DCC: variants seen among roughly 807,000 people sequenced by gnomAD.
DCC encodes DCC netrin 1 receptor.
A neutral mutation model predicts 172.5 loss-of-function variants in DCC; 58 were observed. The observed-to-expected ratio is 0.34, with a 90% CI of 0.27 to 0.42. DCC has a LOEUF of 0.42. Ranked by LOEUF, DCC falls within the 10% of genes least tolerant of loss-of-function variation. DCC has a pLI of 1.00. For synonymous variants in DCC, 709 were observed against 644.5 expected, an observed-to-expected ratio of 1.10 and a Z score of -1.52; for missense variants, 1,740 against 1,791.0, an observed-to-expected ratio of 0.97 and a Z score of 0.51.
rs117159980 is a variant in DCC, at chr18:53,347,435, A to G, written c.2359+7528A>G. Reference sequence around the variant, plus strand: ...AGCCAAAAAGAGCTTACACCATCAGAGAATAATTGGAAACTCACAGTCCCA... The same window carrying G: ...AGCCAAAAAGAGCTTACACCATCAGGGAATAATTGGAAACTCACAGTCCCA... On this transcript the variant is annotated intron_variant, in intron 15 of 28. Coordinates refer to ENST00000442544, the MANE Select transcript of DCC (RefSeq NM_005215.4). Among the ~76,000 whole-genome samples the G allele has an allele frequency of 5.6e-3, 854 of 152,294 alleles. 6 individuals are homozygous for G. The highest frequency in any genetic ancestry group is 0.025 in the Admixed American group (376 of 15,286).
At chr18:53,364,001 T>G (rs1308158023) in intron 15 of DCC, among the ~76,000 whole-genome samples, 1 of 152,212 alleles carries the variant, frequency 6.6e-6, no homozygotes, top group Non-Finnish European at 1.5e-5. Flanking sequence ...GATAAGTCTG[T>G]TAAGTTAATT....
chr18:52,387,627 C>CTTCCTTCCTTCT (rs1478333366), intron 1 of DCC, among the ~76,000 whole-genome samples: 1 of 148,214 alleles, frequency 6.7e-6, no homozygotes, highest in East Asian at 2.0e-4. Context: ...TCCTTCCTTC[C>CTTCCTTCCTTCT]TTCCTTCTGT....
Position 52,899,377 on chromosome 18 carries a change from G to C in DCC, c.413-6667G>C, listed in dbSNP as rs781041019. ...TTTTTTTTTTTTTTTTTTTGAGACA[G>C]AGTTTCACTTTTGTTGCCCAGGCTG... On this transcript the variant is annotated intron_variant, in intron 2 of 28. Transcript: ENST00000442544. Among the ~76,000 whole-genome samples the C allele has an allele frequency of 1.8e-3, 129 of 71,686 alleles. 2 individuals carry two copies. Among genetic ancestry groups the C allele is most frequent in the Middle Eastern group, 0.01 (1 of 96 alleles). The allele number at this position is 71,686 out of a possible 152,430, so 47.0% of individuals were successfully genotyped here.
At chr18:53,160,190 C>A (rs564713048) in intron 8 of DCC, among the ~76,000 whole-genome samples, 2 of 152,134 alleles carry the variant, frequency 1.3e-5, no homozygotes, top group African/African-American at 4.8e-5. Context: ...ATCCTCTATA[C>A]CCCCTTGGCT....
intron 2 of DCC, among the ~76,000 whole-genome samples, chr18:52,808,293 C>T (rs368657560): frequency 6.6e-6 from 1 of 152,142 alleles, no homozygotes; most frequent in African/African-American, 2.4e-5. Flanking sequence ...TCATGGTAGA[C>T]TTTTGCCAAA....
intron 3 of DCC, among the ~76,000 whole-genome samples, chr18:52,913,443 C>T (rs1192470489): frequency 6.6e-6 from 1 of 151,988 alleles, no homozygotes; most frequent in Non-Finnish European, 1.5e-5. Context: ...TTACATTTTT[C>T]TAGTCATGTC....
chr18:52,783,550 T>C (rs569268297), intron 2 of DCC, among the ~76,000 whole-genome samples: 58 of 151,812 alleles, frequency 3.8e-4, no homozygotes, highest in African/African-American at 1.4e-3. Flanking sequence ...TAAAAGACAT[T>C]GTAGTGTTTA....
chr18:52,801,827 C>G (rs2037993020), intron 2 of DCC, among the ~76,000 whole-genome samples: 1 of 152,122 alleles, frequency 6.6e-6, no homozygotes, highest in Non-Finnish European at 1.5e-5. Context: ...GCACATGTAT[C>G]TCTGTCACTG....
chr18:52,552,492 T>C (rs575806537), intron 1 of DCC, among the ~76,000 whole-genome samples: 1 of 152,122 alleles, frequency 6.6e-6, no homozygotes, highest in African/African-American at 2.4e-5. Context: ...ATTTTTTAAA[T>C]GAAAAAGTTA....
intron 1 of DCC, among the ~76,000 whole-genome samples, chr18:52,627,382 C>T (rs2034594244): frequency 6.6e-6 from 1 of 152,150 alleles, no homozygotes; most frequent in Admixed American, 6.5e-5. Flanking sequence ...TTCCTGTGCA[C>T]TGTTAGGGAT....
At chr18:52,519,693 G>A (rs577017636) in intron 1 of DCC, among the ~76,000 whole-genome samples, 41 of 152,258 alleles carry the variant, frequency 2.7e-4, no homozygotes, top group African/African-American at 9.4e-4. Context: ...GAGCCCAGGA[G>A]GGATCCACCT....
chr18:52,851,357 C>T (rs772929801), intron 2 of DCC, among the ~76,000 whole-genome samples: 9 of 151,902 alleles, frequency 5.9e-5, no homozygotes, highest in Non-Finnish European at 7.4e-5. Flanking sequence ...TGTCATAAAG[C>T]GAAAGAGTTT....
At chr18:52,644,837 G>C (rs1415774944) in intron 1 of DCC, among the ~76,000 whole-genome samples, 2 of 136,248 alleles carry the variant, frequency 1.5e-5, no homozygotes, top group East Asian at 5.3e-4. Flanking sequence ...GGGAGGGAGG[G>C]AAGGAGGGAG....
At chr18:52,671,507 G>T (rs112640696) in intron 1 of DCC, among the ~76,000 whole-genome samples, 1 of 147,574 alleles carries the variant, frequency 6.8e-6, no homozygotes, top group Non-Finnish European at 1.5e-5. Flanking sequence ...CGTCACAATA[G>T]CATTGCTCAG....
At chr18:53,460,761 A>G (rs2045548218) in intron 24 of DCC, among the ~76,000 whole-genome samples, 1 of 152,148 alleles carries the variant, frequency 6.6e-6, no homozygotes, top group Admixed American at 6.5e-5. Context: ...GTGTCTTTAT[A>G]GCAGCACGAT....
intron 1 of DCC, among the ~76,000 whole-genome samples, chr18:52,539,878 G>A (rs1280939226): frequency 6.6e-6 from 1 of 151,896 alleles, no homozygotes; most frequent in African/African-American, 2.4e-5. Flanking sequence ...AATTTTATTT[G>A]TCAATTAAAA....
intron 14 of DCC, among the ~76,000 whole-genome samples, chr18:53,322,721 A>T (rs2057426954): frequency 6.6e-6 from 1 of 151,694 alleles, no homozygotes; most frequent in Admixed American, 6.6e-5. Context: ...TAATAAATTA[A>T]ATATAAGCAT....
chr18:52,724,959 T>C (rs879488918), intron 1 of DCC, among the ~76,000 whole-genome samples: 1 of 152,226 alleles, frequency 6.6e-6, no homozygotes, highest in Non-Finnish European at 1.5e-5. Flanking sequence ...TTCAGCTTGA[T>C]GGCCACATGA....
intron 25 of DCC, among the ~76,000 whole-genome samples, chr18:53,471,048 C>T (rs982049225): frequency 2.0e-5 from 3 of 152,132 alleles, no homozygotes; most frequent in Non-Finnish European, 4.4e-5. Flanking sequence ...CACTCTTTTC[C>T]ACCTTCACTG....
Sources: gnomAD v4.1 joint callset for allele counts (sites outside exome capture counted in the v4.1 genomes callset) on GRCh38, gnomAD v4.1.1 for gene constraint, MANE v1.5 for transcripts, NCBI Gene and HGNC (gene_info 2026-07-23, HGNC 2026-07-21) for gene names.